The following FOXP1 variants were observed in gnomAD, a reference collection of about 807,000 sequenced individuals.
FOXP1 encodes forkhead box protein P1.
Under a neutral mutation model 98.2 loss-of-function variants are expected in FOXP1, and 15 were observed. That is an observed-to-expected ratio of 0.15 (90% CI 0.10 to 0.24). The LOEUF (loss-of-function observed/expected upper bound fraction) is 0.24. Ranked by LOEUF, FOXP1 falls within the 10% of genes least tolerant of loss-of-function variation. The probability of loss-of-function intolerance (pLI) is 1.00; values close to 1 mark genes in which losing one functional copy is unlikely to be tolerated. For missense variants in FOXP1, 633 were observed against 848.5 expected, an observed-to-expected ratio of 0.75 and a Z score of 3.15; for synonymous variants, 371 against 314.5, an observed-to-expected ratio of 1.18 and a Z score of -1.90.
chr3:71,077,674 C>T (rs900703052), intron 7 of FOXP1, among the ~76,000 whole-genome samples: 13 of 152,102 alleles, frequency 8.5e-5, no homozygotes, highest in East Asian at 1.9e-4. Context: ...CATCAAATGC[C>T]GTTGTACATA....
intron 2 of FOXP1, among the ~76,000 whole-genome samples, chr3:71,562,713 A>T (rs2046631790): frequency 6.6e-6 from 1 of 152,206 alleles, no homozygotes; most frequent in South Asian, 2.1e-4. Flanking sequence ...CTAAGGGACC[A>T]CACTGAGGCT....
intron 5 of FOXP1, among the ~76,000 whole-genome samples, chr3:71,256,449 T>C (rs181071493): frequency 6.6e-6 from 1 of 152,282 alleles, no homozygotes; most frequent in Admixed American, 6.5e-5. Context: ...AGTGGTGCCA[T>C]CTTGGCTTAC....
chr3:71,202,318 T>C (rs2063727945), intron 5 of FOXP1, among the ~76,000 whole-genome samples: 1 of 152,178 alleles, frequency 6.6e-6, no homozygotes. Flanking sequence ...GGTTGGAAGA[T>C]TTAAAATTTC....
chr3:71,505,243 C>T (rs1253081148), intron 2 of FOXP1, among the ~76,000 whole-genome samples: 1 of 151,968 alleles, frequency 6.6e-6, no homozygotes, highest in African/African-American at 2.4e-5. Context: ...TGGCTTCTTG[C>T]GTGAAGTCAG....
At chr3:71,063,279 A>T (rs1576522792) in intron 7 of FOXP1, among the ~76,000 whole-genome samples, 1 of 152,280 alleles carries the variant, frequency 6.6e-6, no homozygotes, top group East Asian at 1.9e-4. Context: ...GGCATCAATT[A>T]GGACAACGTG....
chr3:71,416,645 A>G lies in FOXP1; in HGVS notation c.-167-57401T>C, dbSNP rs1282293317. Among the ~76,000 whole-genome samples the G allele has an allele frequency of 2.6e-5, 4 of 151,750 alleles. No individual in the cohort carries two copies. In the East Asian group the frequency reaches 7.8e-4, roughly 30 times the overall value. On this transcript the variant is annotated intron_variant, in intron 3 of 20. Coordinates refer to ENST00000649528, the MANE Select transcript of FOXP1 (RefSeq NM_001349338.3). ...TAGGTCAGGGAAGGCTTCCCTGAGGAGGTGACAACTGAGCTGAGAGCTGAA... is the reference window on the plus strand; with the variant it reads ...TAGGTCAGGGAAGGCTTCCCTGAGGGGGTGACAACTGAGCTGAGAGCTGAA...
chr3:71,463,305 A>C (rs1470407961), intron 3 of FOXP1, among the ~76,000 whole-genome samples: 1 of 143,174 alleles, frequency 7.0e-6, no homozygotes, highest in African/African-American at 2.6e-5. Flanking sequence ...CGGAGGTTGC[A>C]GTGAGCTGAG....
chr3:71,171,590 T>G (rs1282090071), intron 6 of FOXP1, among the ~76,000 whole-genome samples: 2 of 152,186 alleles, frequency 1.3e-5, no homozygotes, highest in Non-Finnish European at 2.9e-5. Context: ...AGATTATAAA[T>G]AAGAAATAAA....
At chr3:71,559,588 A>G (rs2046388388) in intron 2 of FOXP1, among the ~76,000 whole-genome samples, 1 of 152,180 alleles carries the variant, frequency 6.6e-6, no homozygotes, top group Non-Finnish European at 1.5e-5. Context: ...TCATACTTGT[A>G]ATCCCAACAC....
intron 3 of FOXP1, among the ~76,000 whole-genome samples, chr3:71,405,069 C>T (rs1167402559): frequency 6.6e-6 from 1 of 152,230 alleles, no homozygotes; most frequent in Non-Finnish European, 1.5e-5. Context: ...CAGCCACCAA[C>T]TTCCAAATTT....
intron 3 of FOXP1, among the ~76,000 whole-genome samples, chr3:71,412,229 G>C (rs1334066876): frequency 6.6e-6 from 1 of 152,142 alleles, no homozygotes; most frequent in African/African-American, 2.4e-5. Flanking sequence ...GGCGCCTTTG[G>C]GCAAGTTATT....
rs528680720 is a variant in FOXP1 at position 71,412,822 on chromosome 3, T to A, written c.-167-53578A>T. Among the ~76,000 whole-genome samples, 925 of 152,222 alleles carry A rather than the reference T, an allele frequency of 6.1e-3. 13 individuals are homozygous for A. Among genetic ancestry groups the A allele is most frequent in the African/African-American group, 0.019 (784 of 41,528 alleles). On this transcript the variant is annotated intron_variant, in intron 3 of 20. Coordinates refer to ENST00000649528, the MANE Select transcript of FOXP1 (RefSeq NM_001349338.3). ...ACAACTCGTAATGCATATATTTTTT[T>A]AAAAAATTGACAAGGGAGAATAAAC...
intron 6 of FOXP1, among the ~76,000 whole-genome samples, chr3:71,138,176 C>T (rs1028029334): frequency 5.3e-5 from 8 of 152,110 alleles, no homozygotes; most frequent in Non-Finnish European, 7.3e-5. Context: ...AGAATGGTGA[C>T]GCTGTCTGGA....
intron 3 of FOXP1, among the ~76,000 whole-genome samples, chr3:71,482,068 T>C (rs1464767259): frequency 6.6e-6 from 1 of 152,172 alleles, no homozygotes; most frequent in Non-Finnish European, 1.5e-5. Flanking sequence ...ACTCTTGTCC[T>C]CCAGAGATTT....
Position 71,299,867 on chromosome 3 carries a change from G to C in FOXP1, c.-59C>G, listed in dbSNP as rs1351828154. 1 of 152,588 alleles carries C rather than the reference G, an allele frequency of 6.6e-6. No individual in the cohort carries two copies. The highest frequency in any genetic ancestry group is 1.5e-5 in the Non-Finnish European group (1 of 68,032). 9.5% of individuals were successfully genotyped at this position (152,588 alleles called of 1,614,324 possible). ...ATCTTCAGTTATAGTCACCTCAAAAGGTCACGTCTTACCCTGAAAACAAAA... is the reference window on the plus strand; with the variant it reads ...ATCTTCAGTTATAGTCACCTCAAAACGTCACGTCTTACCCTGAAAACAAAA... On this transcript the variant is annotated 5_prime_UTR_variant, in exon 5 of 21. Coordinates refer to ENST00000649528, the MANE Select transcript of FOXP1 (RefSeq NM_001349338.3).
chr3:71,173,277 CCA>C (rs2061740377), intron 6 of FOXP1, among the ~76,000 whole-genome samples: 1 of 151,858 alleles, frequency 6.6e-6, no homozygotes, highest in African/African-American at 2.4e-5. Context: ...TGTCTCAACC[CCA>C]GTCTCCATTC....
intron 2 of FOXP1, among the ~76,000 whole-genome samples, chr3:71,501,646 T>C (rs762677115): frequency 4.6e-5 from 7 of 152,166 alleles, no homozygotes; most frequent in Non-Finnish European, 8.8e-5. Context: ...AAAATGTTCA[T>C]TGCATGGGTA....
intron 3 of FOXP1, among the ~76,000 whole-genome samples, chr3:71,380,963 T>C (rs1220388236): frequency 6.6e-6 from 1 of 152,026 alleles, no homozygotes; most frequent in Non-Finnish European, 1.5e-5. Flanking sequence ...ACTTACCATA[T>C]CTGGAAAAAA....
At chr3:71,181,223 G>A (rs572038082) in intron 6 of FOXP1, among the ~76,000 whole-genome samples, 212 of 152,224 alleles carry the variant, frequency 1.4e-3, no homozygotes, top group African/African-American at 4.7e-3. Flanking sequence ...AAAATGGAAC[G>A]GTTCTAAGAA....
Sources: gnomAD v4.1 joint callset for allele counts (sites outside exome capture counted in the v4.1 genomes callset) on GRCh38, gnomAD v4.1.1 for gene constraint, MANE v1.5 for transcripts, NCBI Gene and HGNC (gene_info 2026-07-23, HGNC 2026-07-21) for gene names.